TARBP1: variants seen among roughly 807,000 people sequenced by gnomAD.
TARBP1 encodes tRNA guanosine 2 -O-methyltransferase TARBP1.
Under a neutral mutation model 178.6 loss-of-function variants are expected in TARBP1, and 144 were observed. The ratio of observed to expected loss-of-function variants is 0.81; its 90% CI spans 0.70 to 0.93. The LOEUF is 0.93. Ranked by LOEUF, TARBP1 falls within the 40% of genes least tolerant of loss-of-function variation. The pLI is 0.00. For synonymous variants in TARBP1, 787 were observed against 781.0 expected (o/e 1.01, Z -0.13); for missense variants, 2,067 against 2,011.7 (o/e 1.03, Z -0.53).
Position 234,429,213 on chromosome 1 carries a change from C to T in TARBP1, c.2983G>A (p.Val995Ile). ...ACTTTGTTATCAAAAACAAACTGAA[C>T]AAAAGCTTTTAAATTAGCCCAGAAT... ...LIFWANLKAFVQFVFDNKVLT... is the reference protein window; with the variant it reads ...LIFWANLKAFIQFVFDNKVLT... The change falls in exon 17 of 30, where the codon GTT becomes ATT. Residue 995 changes from valine (V) to isoleucine (I), a missense_variant. Transcript: ENST00000040877. 6.2e-7 allele frequency: 1 copy of T among 1,608,430 alleles called. No homozygotes were observed. The highest frequency in any genetic ancestry group is 8.5e-7 in the Non-Finnish European group (1 of 1,178,708).
intron 14 of TARBP1, among the ~76,000 whole-genome samples, chr1:234,430,574 TG>T (rs1664322275): frequency 6.6e-6 from 1 of 152,232 alleles, no homozygotes; most frequent in African/African-American, 2.4e-5. Flanking sequence ...AACAGGTACC[TG>T]GAACTAGTAC....
At position 234,437,370 on chromosome 1, in the gene TARBP1, C is replaced by T; in HGVS notation, c.2137G>A (p.Glu713Lys). Residue 713 changes from glutamate to lysine, a missense_variant and splice_region_variant, in exon 13 of 30, where the codon GAG becomes AAG. Glu to Lys is a moderately conservative substitution (Grantham distance 56). Transcript: ENST00000040877. Reference sequence around the variant, plus strand: ...AAGTTCTGAAGAACAGTAGACACCTCATCTGTATGGGGGCAAAAAGCATGC... The same window carrying T: ...AAGTTCTGAAGAACAGTAGACACCTTATCTGTATGGGGGCAAAAAGCATGC... Reference protein sequence around the residue: ...RLKGSSAQDDEVSTVLQNFFM... With the variant: ...RLKGSSAQDDKVSTVLQNFFM... 1 of 1,538,734 alleles carries T rather than the reference C, an allele frequency of 6.5e-7. No individual in the cohort carries two copies. The highest frequency in any genetic ancestry group is 8.8e-7 in the Non-Finnish European group (1 of 1,134,926).
At chr1:234,476,232 G>C (rs1256993517) in intron 1 of TARBP1, among the ~76,000 whole-genome samples, 3 of 152,180 alleles carry the variant, frequency 2.0e-5, no homozygotes, top group Non-Finnish European at 4.4e-5. Context: ...AGAAAAACAT[G>C]ATGGCAGACA....
intron 15 of TARBP1, among the ~76,000 whole-genome samples, 160 bp downstream of exon 15, chr1:234,429,927 C>A (rs1384665164): frequency 6.6e-6 from 1 of 152,168 alleles, no homozygotes; most frequent in Non-Finnish European, 1.5e-5. Context: ...GAAAAGTCAG[C>A]AAGTCTCCAG....
At chr1:234,454,403 T>C (rs1201005706) in intron 9 of TARBP1, among the ~76,000 whole-genome samples, 1 of 152,166 alleles carries the variant, frequency 6.6e-6, no homozygotes, top group Non-Finnish European at 1.5e-5. Flanking sequence ...GCAGTACATA[T>C]TCAAAAATTT....
chr1:234,391,684 G>T lies in TARBP1; in HGVS notation c.4759C>A (p.Pro1587Thr). 6.2e-7 allele frequency: 1 copy of T among 1,613,750 alleles called. No homozygotes were observed. The highest frequency in any genetic ancestry group is 1.3e-5 in the African/African-American group (1 of 75,028). The change falls in exon 30 of 30, where the codon CCT becomes ACT. Residue 1587 changes from proline to threonine, a missense_variant. Physicochemically the swap from Pro to Thr is conservative, Grantham distance 38. Coordinates refer to ENST00000040877, the MANE Select transcript of TARBP1 (RefSeq NM_005646.4). Reference protein sequence around the residue: ...IQQLDVCVEIPQQGIIRSLNV... With the variant: ...IQQLDVCVEITQQGIIRSLNV... ...AGGGAGCGGATAATGCCCTGTTGAG[G>T]AATTTCCACACAAACGTCCAACTGT...
At chr1:234,398,698 T>C (rs968823603) in intron 25 of TARBP1, 145 bp from the exon 26 acceptor site, 5 of 629,590 alleles carry the variant, frequency 7.9e-6, no homozygotes, top group African/African-American at 5.6e-5. Context: ...TTATATCTTA[T>C]AGCAACTGTC....
chr1:234,425,627 C>A (rs1216554787), intron 20 of TARBP1, 46 bp downstream of exon 20: 1 of 1,577,096 alleles, frequency 6.3e-7, no homozygotes, highest in Non-Finnish European at 8.7e-7. Flanking sequence ...AAATGTTGAC[C>A]TCTGACTGTT....
intron 13 of TARBP1, among the ~76,000 whole-genome samples, chr1:234,434,711 G>A (rs1664829009): frequency 6.6e-6 from 1 of 151,754 alleles, no homozygotes; most frequent in Admixed American, 6.6e-5. Flanking sequence ...GTCCCTGGCA[G>A]AACTGAAGCT....
In TARBP1 at chr1:234,427,315, A is replaced by G; in HGVS notation, c.3323+2T>C. On this transcript the variant is annotated splice_donor_variant, in intron 19 of 29. Transcript: ENST00000040877. LOFTEE classifies it high-confidence loss of function. Reference sequence around the variant, plus strand: ...AAGACAGAGAAAATCTACCATACTTACTTTTCCATAACAATATTTGCCGCA... The same window carrying G: ...AAGACAGAGAAAATCTACCATACTTGCTTTTCCATAACAATATTTGCCGCA... The G allele has an allele frequency of 6.2e-7, 1 of 1,605,490 alleles. No homozygotes were observed.
At chr1:234,437,468 C>T (rs1040124540) in intron 12 of TARBP1, 96 bp from the exon 13 acceptor site, 8 of 564,424 alleles carry the variant, frequency 1.4e-5, no homozygotes, top group South Asian at 7.0e-5. Context: ...GGGCTAAGCA[C>T]GTGAATCACT....
At chr1:234,469,076 TTAAAAAAA>T (rs1421576713) in intron 3 of TARBP1, among the ~76,000 whole-genome samples, 188 of 12,270 alleles carry the variant, frequency 0.015, no homozygotes, top group South Asian at 0.029. Flanking sequence ...TTTTTTTTTT[TTAAAAAAA>T]AAAAAAAGGC....
rs1386045575 is a variant in TARBP1, at chr1:234,459,309, G to C, written c.1553C>G (p.Thr518Ser). ...CAGGAGAATCTGATGTGTGATCATA[G>C]TGCAATGAATAACATCCCTGACATC... ...LLALRDVIHC[T>S]MITHQILLRG... Residue 518 changes from threonine (T) to serine (S), a missense_variant, in exon 8 of 30, where the codon ACT (threonine) becomes AGT (serine). Thr to Ser is a moderately conservative substitution (Grantham distance 58). Transcript: ENST00000040877. The C allele has an allele frequency of 1.2e-6, 2 of 1,611,174 alleles. No homozygotes were observed. Among genetic ancestry groups the C allele is most frequent in the South Asian group, 2.2e-5 (2 of 90,356 alleles).
chr1:234,423,344 C>T (rs776007727), intron 20 of TARBP1, among the ~76,000 whole-genome samples: 1 of 152,158 alleles, frequency 6.6e-6, no homozygotes, highest in Non-Finnish European at 1.5e-5. Context: ...CTCTCTACTG[C>T]ACCACTTCCT....
Position 234,403,829 on chromosome 1 carries a change from G to A in TARBP1, c.3989+2074C>T, listed in dbSNP as rs572210875. On this transcript the variant is annotated intron_variant, in intron 24 of 29. Coordinates refer to ENST00000040877, the MANE Select transcript of TARBP1 (RefSeq NM_005646.4). Reference sequence around the variant, plus strand: ...CTCCCGAGTAGCTGAGATTACAGGCGCCTGCCACCACACCCAGCTAATTTT... The same window carrying A: ...CTCCCGAGTAGCTGAGATTACAGGCACCTGCCACCACACCCAGCTAATTTT... Among the ~76,000 whole-genome samples, 113 of 152,138 alleles carry A rather than the reference G, an allele frequency of 7.4e-4. 1 individual carries two copies. The highest frequency in any genetic ancestry group is 2.4e-3 in the African/African-American group (100 of 41,484).
chr1:234,413,909 G>A (rs1662131344), intron 22 of TARBP1, among the ~76,000 whole-genome samples: 1 of 152,188 alleles, frequency 6.6e-6, no homozygotes, highest in Non-Finnish European at 1.5e-5. Flanking sequence ...CAGACACAGA[G>A]CATGGAAAGT....
In TARBP1 at chr1:234,425,730, G is replaced by A. The variant is rs1409447947; in HGVS notation, c.3387C>T (p.Gly1129=). 1 of 1,610,850 alleles carries A rather than the reference G, an allele frequency of 6.2e-7. No homozygotes were observed. ...CAVKFLCLLD[G]SNMSHKLFIE... ...TAAACAACTTGTGGGACATATTGGA[G>A]CCATCTAATAAACACAGGAATTTGA... Residue 1129 remains glycine (G), a synonymous_variant, in exon 20 of 30, where the codon GGC becomes GGT. Transcript: ENST00000040877.
chr1:234,457,790 C>G, intron 8 of TARBP1, 34 bp from the exon 9 acceptor site: 2 of 1,509,058 alleles, frequency 1.3e-6, no homozygotes, highest in Non-Finnish European at 1.8e-6. Flanking sequence ...AAAAATTACT[C>G]GTATTAAAAT....
At chr1:234,398,752 G>C (rs558517396) in intron 25 of TARBP1, among the ~76,000 whole-genome samples, 199 bp from the exon 26 acceptor site, 1 of 152,152 alleles carries the variant, frequency 6.6e-6, no homozygotes, top group Admixed American at 6.5e-5. Flanking sequence ...GATTAATTTA[G>C]GAAACCCCTG....
Sources: allele counts gnomAD v4.1 joint callset (sites outside exome capture counted in the v4.1 genomes callset), GRCh38; gene constraint gnomAD v4.1.1; transcripts MANE v1.5; gene names NCBI Gene and HGNC (gene_info 2026-07-23, HGNC 2026-07-21).